CFAP299: variants seen among roughly 807,000 people sequenced by gnomAD.
The protein encoded by CFAP299 is cilia and flagella associated protein 299, also known as cilia- and flagella-associated protein 299.
In CFAP299, 21 loss-of-function variants were observed where a neutral mutation model predicts 27.0. The observed-to-expected ratio is 0.78, with a 90% CI of 0.55 to 1.12. CFAP299 has a LOEUF of 1.12. Among genes scored for constraint, CFAP299 ranks in the 50% most tolerant of loss-of-function variants. The pLI, the probability that CFAP299 is intolerant of heterozygous loss-of-function variation, is 0.00. For missense variants in CFAP299, 310 were observed against 276.6 expected (o/e 1.12, Z -0.86); for synonymous variants, 104 against 98.1 (o/e 1.06, Z -0.36).
At position 80,907,870 on chromosome 4, in the gene CFAP299, G is replaced by C. The variant is rs577869987; in HGVS notation, c.477-36940G>C. 2.6e-5 allele frequency among the ~76,000 whole-genome samples: 4 copies of C among 152,232 alleles called. No individual in the cohort carries two copies. In the South Asian group the frequency reaches 8.3e-4, roughly 32 times the overall value. On this transcript the variant is annotated intron_variant, in intron 4 of 5. Transcript: ENST00000358105. ...TTTTATTATGAATCTCCCTTACCCA[G>C]AATGGTATGGAAAAAAACATTGAGT...
At chr4:80,950,208 A>C (rs762171220) in intron 5 of CFAP299, among the ~76,000 whole-genome samples, 10 of 151,982 alleles carry the variant, frequency 6.6e-5, no homozygotes, top group Non-Finnish European at 1.5e-4. Flanking sequence ...TACAGGGCAC[A>C]CAAGTGAGCT....
chr4:80,426,619 C>T (rs958612381), intron 2 of CFAP299, among the ~76,000 whole-genome samples: 1 of 152,196 alleles, frequency 6.6e-6, no homozygotes, highest in Non-Finnish European at 1.5e-5. Context: ...AAACCAGAAT[C>T]TCCAGGGAGA....
chr4:80,918,755 G>A (rs1735889856), intron 4 of CFAP299, among the ~76,000 whole-genome samples: 1 of 152,104 alleles, frequency 6.6e-6, no homozygotes, highest in Admixed American at 6.6e-5. Context: ...CACAGTAGTG[G>A]CTCCAATAGA....
At chr4:80,433,151 A>G (rs980727859) in intron 2 of CFAP299, among the ~76,000 whole-genome samples, 2 of 151,254 alleles carry the variant, frequency 1.3e-5, no homozygotes, top group Non-Finnish European at 1.5e-5. Flanking sequence ...GTTCCTACCT[A>G]TGAAAAACCA....
intron 2 of CFAP299, among the ~76,000 whole-genome samples, chr4:80,552,141 G>T (rs1452192801): frequency 6.6e-6 from 1 of 152,186 alleles, no homozygotes. Context: ...AATGGTCAAA[G>T]AATAGAAGGT....
At chr4:80,895,124 T>C (rs1026338595) in intron 4 of CFAP299, among the ~76,000 whole-genome samples, 2 of 151,752 alleles carry the variant, frequency 1.3e-5, no homozygotes, top group African/African-American at 4.8e-5. Context: ...CAATACCCTA[T>C]TATATACTTG....
chr4:80,952,148 G>A (rs1301829903), intron 5 of CFAP299, among the ~76,000 whole-genome samples: 2 of 152,124 alleles, frequency 1.3e-5, no homozygotes, highest in Admixed American at 1.3e-4. Flanking sequence ...TGTAGGGCAG[G>A]AACCCTTTCT....
At chr4:80,772,543 G>C (rs552156708) in intron 3 of CFAP299, among the ~76,000 whole-genome samples, 31 of 151,412 alleles carry the variant, frequency 2.0e-4, no homozygotes, top group African/African-American at 6.6e-4. Context: ...TTCCCAATAG[G>C]CACTATTTTT....
intron 2 of CFAP299, among the ~76,000 whole-genome samples, chr4:80,476,872 C>T (rs1730296896): frequency 6.6e-6 from 1 of 151,954 alleles, no homozygotes; most frequent in Admixed American, 6.6e-5. Flanking sequence ...TACTGTCTCC[C>T]CAGTATGATG....
chr4:80,335,812 C>T lies in CFAP299; in HGVS notation c.44C>T (p.Thr15Ile). The change falls in exon 1 of 6, where the codon ACT becomes ATT. Residue 15 changes from threonine (T) to isoleucine (I), a missense_variant. Transcript: ENST00000358105. Reference sequence around the variant, plus strand: ...CTGAAGGCCTTGGACAATATTGTCACTCAATTCAACGCCTATGAAGATTTC... The same window carrying T: ...CTGAAGGCCTTGGACAATATTGTCATTCAATTCAACGCCTATGAAGATTTC... ...EGLKALDNIV[T>I]QFNAYEDFLD... 1 of 1,613,922 alleles carries T rather than the reference C, an allele frequency of 6.2e-7. No individual in the cohort carries two copies. The highest frequency in any genetic ancestry group is 8.5e-7 in the Non-Finnish European group (1 of 1,179,780).
intron 3 of CFAP299, among the ~76,000 whole-genome samples, chr4:80,778,544 T>C (rs376786598): frequency 6.6e-6 from 1 of 152,084 alleles, no homozygotes; most frequent in South Asian, 2.1e-4. Context: ...AAATTACTGG[T>C]TTACTACCCC....
At chr4:80,329,544 G>A in the CFAP299 span, among the ~76,000 whole-genome samples, 1 of 152,044 alleles carries the variant, frequency 6.6e-6, no homozygotes, top group African/African-American at 2.4e-5. Context: ...AGGAAAGATG[G>A]ATCAAAACAT....
intron 3 of CFAP299, among the ~76,000 whole-genome samples, chr4:80,591,121 T>TTTATTTTTTTTTA (rs1736743138): frequency 6.9e-6 from 1 of 144,814 alleles, no homozygotes; most frequent in Non-Finnish European, 1.5e-5. Context: ...TTTTTTTTTT[T>TTTATTTTTTTTTA]TTTTTTTTTT....
intron 3 of CFAP299, among the ~76,000 whole-genome samples, chr4:80,845,279 GT>G (rs200523960): frequency 0.046 from 6,128 of 134,466 alleles, 169 homozygotes; most frequent in East Asian, 0.14. Flanking sequence ...GTCCCACACT[GT>G]TTTTTTTTTT....
At chr4:80,925,146 A>G (rs1443072765) in intron 4 of CFAP299, among the ~76,000 whole-genome samples, 1 of 151,864 alleles carries the variant, frequency 6.6e-6, no homozygotes, top group Non-Finnish European at 1.5e-5. Flanking sequence ...ATGTCCCTCA[A>G]TATGTGCCAG....
intron 3 of CFAP299, among the ~76,000 whole-genome samples, chr4:80,625,206 G>T (rs1464654410): frequency 2.0e-5 from 3 of 152,088 alleles, no homozygotes; most frequent in African/African-American, 4.8e-5. Context: ...AATATTAAAA[G>T]ATGTAAATTG....
intron 2 of CFAP299, among the ~76,000 whole-genome samples, chr4:80,558,362 G>GTTTTTTT (rs1351346440): frequency 1.1e-4 from 14 of 125,376 alleles, no homozygotes; most frequent in Admixed American, 2.4e-4. Context: ...TTGTTTGTTT[G>GTTTTTTT]TTTGTTTTTT....
At chr4:80,825,346 A>G (rs1232184246) in intron 3 of CFAP299, among the ~76,000 whole-genome samples, 8 of 152,064 alleles carry the variant, frequency 5.3e-5, no homozygotes, top group African/African-American at 1.9e-4. Flanking sequence ...AAAACAGATT[A>G]TTTGAAAAAA....
intron 2 of CFAP299, chr4:80,387,942 G>C: frequency 1.2e-6 from 1 of 816,740 alleles, no homozygotes; most frequent in Non-Finnish European, 2.1e-6. Flanking sequence ...TGGTCCTTTG[G>C]GTGTTTGCCA....
Sources: gnomAD v4.1 joint callset for allele counts (sites outside exome capture counted in the v4.1 genomes callset) on GRCh38, gnomAD v4.1.1 for gene constraint, MANE v1.5 for transcripts, NCBI Gene and HGNC (gene_info 2026-07-23, HGNC 2026-07-21) for gene names.